The following ADNP2 variants were observed in gnomAD, a reference collection of about 807,000 sequenced individuals.
ADNP2 encodes the protein ADNP homeobox 2.
Under a neutral mutation model 16.4 loss-of-function variants are expected in ADNP2, and 8 were observed. The observed-to-expected ratio is 0.49, with a 90% CI of 0.29 to 0.88. The LOEUF is 0.88. ADNP2 is among the 40% of genes least tolerant of loss of function. The pLI is 0.09. For missense variants in ADNP2, 1,397 were observed against 1,395.1 expected (o/e 1.00, Z -0.02); for synonymous variants, 637 against 545.8 (o/e 1.17, Z -2.33).
At chr18:80,116,058 C>T (rs532555844) in intron 1 of ADNP2, among the ~76,000 whole-genome samples, 1 of 152,304 alleles carries the variant, frequency 6.6e-6, no homozygotes, top group East Asian at 1.9e-4. Flanking sequence ...AGCCACTGCA[C>T]TCGGCCCACT....
At chr18:80,132,203 A>G (rs1018297974) in intron 2 of ADNP2, among the ~76,000 whole-genome samples, 1 of 152,200 alleles carries the variant, frequency 6.6e-6, no homozygotes, top group Non-Finnish European at 1.5e-5. Flanking sequence ...TCATACTTAA[A>G]GGGTACTCCA....
intron 2 of ADNP2, among the ~76,000 whole-genome samples, chr18:80,128,000 T>C (rs1188515082): frequency 1.3e-5 from 2 of 152,278 alleles, no homozygotes; most frequent in Non-Finnish European, 2.9e-5. Context: ...ACAAGGTCAA[T>C]ATGGCAGGAT....
intron 1 of ADNP2, among the ~76,000 whole-genome samples, chr18:80,112,890 G>A (rs996974012): frequency 6.6e-6 from 1 of 152,206 alleles, no homozygotes; most frequent in Non-Finnish European, 1.5e-5. Context: ...ACATATGGAT[G>A]ATGGTCCCTA....
intron 1 of ADNP2, chr18:80,109,902 G>A (rs866624476): frequency 7.9e-5 from 12 of 152,490 alleles, no homozygotes; most frequent in African/African-American, 2.9e-4. Flanking sequence ...GCAAGGAGCT[G>A]TGGCGACCCC....
At chr18:80,117,702 G>A in intron 2 of ADNP2, 52 bp downstream of exon 2, 2 of 1,410,746 alleles carry the variant, frequency 1.4e-6, no homozygotes, top group South Asian at 1.3e-5. Flanking sequence ...TTTGAACTCG[G>A]GTTTTTGAAG....
At chr18:80,135,195 A>T (rs115402154) in intron 3 of ADNP2, among the ~76,000 whole-genome samples, 2 of 152,206 alleles carry the variant, frequency 1.3e-5, no homozygotes, top group African/African-American at 2.4e-5. Context: ...CAAATCCTAT[A>T]TTTGTATGAA....
chr18:80,117,412 A>G (rs1181459241), intron 1 of ADNP2, 118 bp from the exon 2 acceptor site: 4 of 559,424 alleles, frequency 7.2e-6, no homozygotes, highest in African/African-American at 5.9e-5. Context: ...CACTCGTTCT[A>G]CAACAATTTG....
intron 1 of ADNP2, among the ~76,000 whole-genome samples, chr18:80,116,615 A>G (rs951200117): frequency 2.6e-5 from 4 of 152,156 alleles, no homozygotes; most frequent in Non-Finnish European, 4.4e-5. Context: ...CATTTCTCCA[A>G]ATGGCTAATG....
intron 3 of ADNP2, 130 bp downstream of exon 3, chr18:80,133,322 T>C: frequency 1.3e-6 from 1 of 748,982 alleles, no homozygotes; most frequent in Non-Finnish European, 2.3e-6. Context: ...ATGCAACCTT[T>C]CAGAGAAGTA....
At position 80,136,982 on chromosome 18, in the gene ADNP2, CCAGA is replaced by C; in HGVS notation, c.1573_1576del (p.Thr525SerfsTer9). 6.2e-7 allele frequency: 1 copy of C among 1,614,136 alleles called. No individual in the cohort carries two copies. Among genetic ancestry groups the C allele is most frequent in the Non-Finnish European group, 8.5e-7 (1 of 1,180,018 alleles). ...TCCCGTCTGGGCTTCTTTCTCCCAA[CCAGA>C]CAGTCTCCTCCTCAGCTGTTGTGCC... On this transcript the variant is annotated frameshift_variant, in exon 4 of 4. Coordinates refer to ENST00000262198, the MANE Select transcript of ADNP2 (RefSeq NM_014913.4). LOFTEE classifies it low-confidence loss of function (END_TRUNC).
At chr18:80,123,360 T>C (rs1427416752) in intron 2 of ADNP2, among the ~76,000 whole-genome samples, 1 of 151,786 alleles carries the variant, frequency 6.6e-6, no homozygotes, top group African/African-American at 2.4e-5. Context: ...TCCCTCCTCT[T>C]TTTTTTTGTT....
At chr18:80,117,710 A>T in intron 2 of ADNP2, 60 bp downstream of exon 2, 1 of 1,272,534 alleles carries the variant, frequency 7.9e-7, no homozygotes, top group Non-Finnish European at 1.1e-6. Context: ...CGGGTTTTTG[A>T]AGAGTGGGTA....
chr18:80,135,186 A>C lies in ADNP2; in HGVS notation c.199-426A>C, dbSNP rs185204436. 5.9e-5 allele frequency among the ~76,000 whole-genome samples: 9 copies of C among 152,358 alleles called. No homozygotes were observed. In the East Asian group the frequency reaches 1.5e-3, roughly 26 times the overall value. On this transcript the variant is annotated intron_variant, in intron 3 of 3. Transcript: ENST00000262198. ...GTCAGCAAACTATGAGTTGTGAGCC[A>C]AATCCTATATTTGTATGAATTAGCC...
At position 80,138,923 on chromosome 18, in the gene ADNP2, C is replaced by A; in HGVS notation, c.*114C>A. On this transcript the variant is annotated 3_prime_UTR_variant, in exon 4 of 4. Coordinates refer to ENST00000262198, the MANE Select transcript of ADNP2 (RefSeq NM_014913.4). ...TGAATCAACCTCAGTGGTCACTGTGCTGCTCTGCAGAGTTACTTCAGGTGC... is the reference window on the plus strand; with the variant it reads ...TGAATCAACCTCAGTGGTCACTGTGATGCTCTGCAGAGTTACTTCAGGTGC... The A allele has an allele frequency of 9.8e-7, 1 of 1,023,558 alleles. No individual in the cohort carries two copies. Among genetic ancestry groups the A allele is most frequent in the Non-Finnish European group, 1.4e-6 (1 of 737,916 alleles). 63.4% of individuals were successfully genotyped at this position (1,023,558 alleles called of 1,614,324 possible).
intron 2 of ADNP2, among the ~76,000 whole-genome samples, chr18:80,121,122 C>T (rs1259840855): frequency 5.3e-5 from 8 of 152,150 alleles, no homozygotes; most frequent in Admixed American, 4.6e-4. Flanking sequence ...TAAATCTGTT[C>T]ACATCATTAC....
chr18:80,136,230 C>G lies in ADNP2; in HGVS notation c.817C>G (p.His273Asp). ...QTHIAPKPAA[H>D]LAAPANGSAP... ...GCACATTGCTCCAAAACCAGCAGCA[C>G]ATTTGGCTGCACCAGCAAATGGCAG... is the stretch of plus-strand genomic sequence containing the variant. The change falls in exon 4 of 4, where the codon CAT (histidine) becomes GAT (aspartate). Residue 273 changes from histidine to aspartate, a missense_variant. Around this residue, in one of 3 missense-constraint regions of ADNP2, gnomAD observed 777 missense variants for 719.4 expected, o/e 1.08. Transcript: ENST00000262198. 6.2e-7 allele frequency: 1 copy of G among 1,614,242 alleles called. No homozygotes were observed. The highest frequency in any genetic ancestry group is 8.5e-7 in the Non-Finnish European group (1 of 1,180,028).
At chr18:80,125,682 G>T (rs1472971515) in intron 2 of ADNP2, among the ~76,000 whole-genome samples, 2 of 151,916 alleles carry the variant, frequency 1.3e-5, no homozygotes, top group Non-Finnish European at 2.9e-5. Flanking sequence ...GTGGTGGTGT[G>T]CGCTGGTAGT....
At chr18:80,118,923 T>C (rs1444649878) in intron 2 of ADNP2, among the ~76,000 whole-genome samples, 3 of 152,198 alleles carry the variant, frequency 2.0e-5, no homozygotes, top group African/African-American at 7.2e-5. Context: ...TTATTTGTAA[T>C]TGGGCCTATA....
intron 1 of ADNP2, among the ~76,000 whole-genome samples, chr18:80,111,176 A>G (rs2052354688): frequency 6.6e-6 from 1 of 152,234 alleles, no homozygotes; most frequent in Non-Finnish European, 1.5e-5. Context: ...TCTGCTGAAT[A>G]TATGATCCAA....
Sources: gnomAD v4.1 joint callset for allele counts (sites outside exome capture counted in the v4.1 genomes callset) on GRCh38, gnomAD v4.1.1 for gene constraint, gnomAD v4.1.1 regional missense constraint, MANE v1.5 for transcripts, NCBI Gene and HGNC (gene_info 2026-07-23, HGNC 2026-07-21) for gene names.